The following PPARGC1A variants were observed in gnomAD, a reference collection of about 807,000 sequenced individuals.
The protein encoded by PPARGC1A is PPARG coactivator 1 alpha, also known as peroxisome proliferator-activated receptor gamma coactivator 1-alpha.
PPARGC1A carries 25 observed loss-of-function variants against 88.7 expected under a neutral mutation model. The observed-to-expected ratio is 0.28, with a 90% confidence interval of 0.21 to 0.39. The LOEUF (loss-of-function observed/expected upper bound fraction) is 0.39. Among genes scored for constraint, PPARGC1A ranks in the 10% least tolerant of loss-of-function variants. The pLI, the probability that PPARGC1A is intolerant of heterozygous loss-of-function variation, is 1.00. For synonymous variants in PPARGC1A, 363 were observed against 355.6 expected, an observed-to-expected ratio of 1.02 and a Z score of -0.24; for missense variants, 880 against 968.7, an observed-to-expected ratio of 0.91 and a Z score of 1.22.
chr4:24,399,217 T>G, the PPARGC1A span, among the ~76,000 whole-genome samples: 5 of 152,208 alleles, frequency 3.3e-5, no homozygotes, highest in Non-Finnish European at 4.4e-5. Flanking sequence ...TTCACTCACT[T>G]TTTTTGCAGA....
chr4:24,046,255 T>C, the PPARGC1A span, among the ~76,000 whole-genome samples: 11 of 152,186 alleles, frequency 7.2e-5, no homozygotes, highest in Non-Finnish European at 1.6e-4. Context: ...AAGCACATTA[T>C]TTCCCCCTCA....
chr4:24,075,840 T>C, the PPARGC1A span, among the ~76,000 whole-genome samples: 1 of 152,096 alleles, frequency 6.6e-6, no homozygotes. Context: ...TACCCAGTCT[T>C]GGGTATGTCT....
chr4:23,836,556 T>G (rs1235817827), intron 2 of PPARGC1A, among the ~76,000 whole-genome samples: 2 of 152,222 alleles, frequency 1.3e-5, no homozygotes, highest in Non-Finnish European at 2.9e-5. Flanking sequence ...TTCCTAAGTG[T>G]TACCGTGTCG....
chr4:23,879,630 T>C (rs1043313696), intron 2 of PPARGC1A, among the ~76,000 whole-genome samples: 2 of 152,210 alleles, frequency 1.3e-5, no homozygotes, highest in African/African-American at 2.4e-5. Flanking sequence ...CCACCCCCTC[T>C]GCTATCACCT....
At chr4:24,333,872 T>G in the PPARGC1A span, among the ~76,000 whole-genome samples, 8 of 134,040 alleles carry the variant, frequency 6.0e-5, no homozygotes, top group East Asian at 1.7e-3. Context: ...AGGTGCTGGT[T>G]GCAGTGAGCT....
At chr4:24,231,299 G>A in the PPARGC1A span, among the ~76,000 whole-genome samples, 1 of 152,168 alleles carries the variant, frequency 6.6e-6, no homozygotes, top group African/African-American at 2.4e-5. Context: ...GAACCTCTGG[G>A]TTTAAAACCT....
chr4:24,128,998 C>T, the PPARGC1A span, among the ~76,000 whole-genome samples: 27 of 152,156 alleles, frequency 1.8e-4, no homozygotes, highest in Admixed American at 1.6e-3. Flanking sequence ...AATACTTCAA[C>T]GAGGAGTCAT....
the PPARGC1A span, among the ~76,000 whole-genome samples, chr4:24,037,584 A>G: frequency 8.5e-5 from 13 of 152,204 alleles, no homozygotes; most frequent in Non-Finnish European, 1.8e-4. Flanking sequence ...TACTATCTCT[A>G]TTAATAGCAG....
the PPARGC1A span, among the ~76,000 whole-genome samples, chr4:24,231,757 T>A: frequency 2.0e-5 from 3 of 152,120 alleles, no homozygotes; most frequent in African/African-American, 7.2e-5. Flanking sequence ...TCTTCCTTTT[T>A]TTGCCAACTC....
chr4:24,019,228 A>G, the PPARGC1A span, among the ~76,000 whole-genome samples: 1 of 152,180 alleles, frequency 6.6e-6, no homozygotes, highest in African/African-American at 2.4e-5. Flanking sequence ...ACATATTCCT[A>G]CATATAATCC....
At chr4:24,333,688 C>A in the PPARGC1A span, among the ~76,000 whole-genome samples, 20 of 152,244 alleles carry the variant, frequency 1.3e-4, no homozygotes, top group Non-Finnish European at 2.5e-4. Context: ...AATCCCAGCA[C>A]TTTGGGAGGC....
the PPARGC1A span, among the ~76,000 whole-genome samples, chr4:24,320,110 A>T: frequency 6.6e-6 from 1 of 152,188 alleles, no homozygotes; most frequent in Non-Finnish European, 1.5e-5. Context: ...AGATTTCTTC[A>T]TTTATTTTGT....
chr4:23,987,770 G>C, the PPARGC1A span, among the ~76,000 whole-genome samples: 1 of 151,984 alleles, frequency 6.6e-6, no homozygotes, highest in African/African-American at 2.4e-5. Flanking sequence ...GTTAGCACCT[G>C]ATAGGTTATC....
At chr4:24,048,690 G>A in the PPARGC1A span, among the ~76,000 whole-genome samples, 823 of 152,198 alleles carry the variant, frequency 5.4e-3, 6 homozygotes, top group African/African-American at 0.019. Context: ...CCCAACCTGA[G>A]CCTATGGACT....
At chr4:24,280,776 G>T in the PPARGC1A span, among the ~76,000 whole-genome samples, 1 of 152,156 alleles carries the variant, frequency 6.6e-6, no homozygotes, top group African/African-American at 2.4e-5. Flanking sequence ...CAAGTTTTCA[G>T]GCATGTATCC....
the PPARGC1A span, among the ~76,000 whole-genome samples, chr4:24,103,595 C>CAA: frequency 0.26 from 31,045 of 121,218 alleles, 4,055 homozygotes; most frequent in Non-Finnish European, 0.31. Flanking sequence ...TGCCTTCTTC[C>CAA]AAAAAAAAAA....
chr4:23,982,059 G>A, the PPARGC1A span, among the ~76,000 whole-genome samples: 1 of 152,004 alleles, frequency 6.6e-6, no homozygotes, highest in Non-Finnish European at 1.5e-5. Context: ...TTTTCATCTC[G>A]TTTCTCCCTG....
At chr4:24,236,164 C>T in the PPARGC1A span, among the ~76,000 whole-genome samples, 203 of 152,214 alleles carry the variant, frequency 1.3e-3, no homozygotes, top group African/African-American at 4.5e-3. Flanking sequence ...GGCATGTATC[C>T]GGAAGCTTTA....
At chr4:24,002,863 T>G in the PPARGC1A span, among the ~76,000 whole-genome samples, 951 of 152,320 alleles carry the variant, frequency 6.2e-3, 8 homozygotes, top group Non-Finnish European at 8.7e-3. Context: ...CAGTCATACA[T>G]GCTAAACACA....
Sources: allele counts gnomAD v4.1 joint callset (sites outside exome capture counted in the v4.1 genomes callset), GRCh38; gene constraint gnomAD v4.1.1; transcripts MANE v1.5; gene names NCBI Gene and HGNC (gene_info 2026-07-23, HGNC 2026-07-21).